Variants in SH3BGRL2 observed in about 807,000 individuals in gnomAD.
The protein encoded by SH3BGRL2 is SH3 domain binding glutamate rich protein like 2, also known as SH3 domain-binding glutamic acid-rich-like protein 2.
A neutral mutation model predicts 14.8 loss-of-function variants in SH3BGRL2; 21 were observed. The ratio of observed to expected loss-of-function variants is 1.42; its 90% CI spans 1.01 to 2.05. The LOEUF (loss-of-function observed/expected upper bound fraction) is 2.05. SH3BGRL2 is among the 30% of genes most tolerant of loss of function. The probability of loss-of-function intolerance (pLI) is 0.00; values close to 1 mark genes in which losing one functional copy is unlikely to be tolerated. For missense variants in SH3BGRL2, 147 were observed against 130.8 expected (o/e 1.12, Z -0.61); for synonymous variants, 50 against 47.8 (o/e 1.05, Z -0.19).
chr6:79,643,859 T>C (rs897351517), intron 1 of SH3BGRL2, among the ~76,000 whole-genome samples: 2 of 152,230 alleles, frequency 1.3e-5, no homozygotes, highest in Non-Finnish European at 2.9e-5. Flanking sequence ...TAATGTTTTG[T>C]TGGATGTCCT....
the SH3BGRL2 span, among the ~76,000 whole-genome samples, chr6:79,541,543 C>T: frequency 1.3e-5 from 2 of 152,170 alleles, no homozygotes; most frequent in Admixed American, 6.5e-5. Flanking sequence ...TCCAGATTTA[C>T]ATTCTATTTA....
chr6:79,560,025 G>T, the SH3BGRL2 span, among the ~76,000 whole-genome samples: 1 of 152,124 alleles, frequency 6.6e-6, no homozygotes, highest in African/African-American at 2.4e-5. Flanking sequence ...GGAGAAGGAG[G>T]AGAAGAGGAA....
At chr6:79,589,329 T>A in the SH3BGRL2 span, among the ~76,000 whole-genome samples, 38 of 151,846 alleles carry the variant, frequency 2.5e-4, no homozygotes, top group Non-Finnish European at 4.6e-4. Flanking sequence ...AATGAATGAT[T>A]ATTTAATGGT....
chr6:79,627,378 C>T (rs1191836967), upstream of SH3BGRL2, among the ~76,000 whole-genome samples: 1 of 152,152 alleles, frequency 6.6e-6, no homozygotes, highest in Non-Finnish European at 1.5e-5. Flanking sequence ...ACCAGGTAGC[C>T]TGAGAGTTTC....
the SH3BGRL2 span, among the ~76,000 whole-genome samples, chr6:79,593,666 T>C: frequency 6.6e-6 from 1 of 152,198 alleles, no homozygotes; most frequent in Admixed American, 6.5e-5. Context: ...AATTCAGTCT[T>C]CATGGAGGTT....
the SH3BGRL2 span, among the ~76,000 whole-genome samples, chr6:79,620,065 A>G: frequency 6.6e-6 from 1 of 152,088 alleles, no homozygotes; most frequent in South Asian, 2.1e-4. Flanking sequence ...CTCATCTCCA[A>G]AGGTCATAGC....
intron 2 of SH3BGRL2, among the ~76,000 whole-genome samples, chr6:79,694,043 T>G (rs912923796): frequency 6.6e-6 from 1 of 152,214 alleles, no homozygotes; most frequent in African/African-American, 2.4e-5. Context: ...TGGAAGATCA[T>G]GAATTGTCGT....
chr6:79,692,441 T>G (rs1770239199), intron 2 of SH3BGRL2, among the ~76,000 whole-genome samples: 1 of 152,240 alleles, frequency 6.6e-6, no homozygotes, highest in South Asian at 2.1e-4. Context: ...CATGCCTATG[T>G]CCTGAATGGT....
At chr6:79,678,192 G>A (rs1769922627) in intron 2 of SH3BGRL2, among the ~76,000 whole-genome samples, 1 of 152,050 alleles carries the variant, frequency 6.6e-6, no homozygotes, top group South Asian at 2.1e-4. Flanking sequence ...ACTTTTAAGT[G>A]TACAGTTCAG....
chr6:79,671,237 C>T (rs1020339621), intron 1 of SH3BGRL2, among the ~76,000 whole-genome samples: 2 of 152,218 alleles, frequency 1.3e-5, no homozygotes, highest in Admixed American at 6.5e-5. Flanking sequence ...GAGGCCGAGG[C>T]AGGCAGATCA....
the SH3BGRL2 span, among the ~76,000 whole-genome samples, chr6:79,570,038 G>A: frequency 6.6e-6 from 1 of 152,158 alleles, no homozygotes; most frequent in Non-Finnish European, 1.5e-5. Context: ...GCTTTGTGCT[G>A]AGTAGCAATG....
the SH3BGRL2 span, among the ~76,000 whole-genome samples, chr6:79,575,967 T>C: frequency 2.0e-5 from 3 of 151,686 alleles, no homozygotes; most frequent in Admixed American, 6.6e-5. Flanking sequence ...AGTTTTTTTT[T>C]CCAAAGGAAG....
chr6:79,538,040 T>G, the SH3BGRL2 span, among the ~76,000 whole-genome samples: 3 of 140,584 alleles, frequency 2.1e-5, no homozygotes, highest in Admixed American at 1.4e-4. Context: ...TTTTTTTTTT[T>G]TTTTTTTTTT....
the SH3BGRL2 span, among the ~76,000 whole-genome samples, chr6:79,571,632 A>C: frequency 6.6e-6 from 1 of 152,220 alleles, no homozygotes; most frequent in Non-Finnish European, 1.5e-5. Context: ...GAAATTAAAC[A>C]CTGCAAAAAC....
the SH3BGRL2 span, among the ~76,000 whole-genome samples, chr6:79,593,391 G>C: frequency 2.0e-5 from 3 of 152,134 alleles, no homozygotes; most frequent in African/African-American, 7.2e-5. Context: ...ACATGGGCCA[G>C]CTTTTCTCTA....
At chr6:79,681,838 G>A (rs1436135237) in intron 2 of SH3BGRL2, among the ~76,000 whole-genome samples, 1 of 152,046 alleles carries the variant, frequency 6.6e-6, no homozygotes, top group Non-Finnish European at 1.5e-5. Flanking sequence ...TGTAGTCCCA[G>A]CTACTGGGGA....
intron 1 of SH3BGRL2, among the ~76,000 whole-genome samples, chr6:79,667,844 G>A (rs763544075): frequency 5.9e-5 from 9 of 152,040 alleles, no homozygotes; most frequent in African/African-American, 1.4e-4. Context: ...ATCTGTCAGG[G>A]TCAAAATTAA....
chr6:79,611,043 G>A, the SH3BGRL2 span, among the ~76,000 whole-genome samples: 1 of 152,118 alleles, frequency 6.6e-6, no homozygotes, highest in Admixed American at 6.6e-5. Context: ...TTGTCATTTT[G>A]ACTATCCCTT....
upstream of SH3BGRL2, among the ~76,000 whole-genome samples, chr6:79,630,707 T>A (rs1276386115): frequency 2.0e-5 from 3 of 152,192 alleles, no homozygotes; most frequent in Non-Finnish European, 2.9e-5. Context: ...ACAATTACAG[T>A]TTTGCTGAGA....
Sources: gnomAD v4.1 joint callset for allele counts (sites outside exome capture counted in the v4.1 genomes callset) on GRCh38, gnomAD v4.1.1 for gene constraint, MANE v1.5 for transcripts, NCBI Gene and HGNC (gene_info 2026-07-23, HGNC 2026-07-21) for gene names.